The following DGLUCY variants were observed in gnomAD, a reference collection of about 807,000 sequenced individuals.
The protein encoded by DGLUCY is D-glutamate cyclase, mitochondrial.
DGLUCY carries 58 observed loss-of-function variants against 58.5 expected under a neutral mutation model. The observed-to-expected ratio is 0.99, with a 90% CI of 0.80 to 1.23. The LOEUF is 1.23. Ranked by LOEUF, DGLUCY falls within the 50% of genes most tolerant of loss-of-function variation. The pLI, the probability that DGLUCY is intolerant of heterozygous loss-of-function variation, is 0.00. For synonymous variants in DGLUCY, 325 were observed against 314.1 expected (o/e 1.03, Z -0.37); for missense variants, 779 against 784.7 (o/e 0.99, Z 0.09).
intron 7 of DGLUCY, 85 bp downstream of exon 7, chr14:91,176,141 A>G (rs1309825940): frequency 8.2e-6 from 12 of 1,470,172 alleles, no homozygotes; most frequent in African/African-American, 1.4e-5. Flanking sequence ...TTCTCGTAGT[A>G]CAATGATTTA....
chr14:91,191,177 G>A lies in DGLUCY; in HGVS notation c.1195+2007G>A, dbSNP rs567736661. Among the ~76,000 whole-genome samples, 3 of 152,286 alleles carry A rather than the reference G, an allele frequency of 2.0e-5. No individual in the cohort carries two copies. In the South Asian group the frequency reaches 6.2e-4, roughly 32 times the overall value. On this transcript the variant is annotated intron_variant, in intron 9 of 13. Coordinates refer to ENST00000256324, the MANE Select transcript of DGLUCY (RefSeq NM_001102368.3). ...ACATGCTACAACTTGGATGACCCTCGAGGACATCTTGAGAAGTAGATTAAG... is the reference window on the plus strand; with the variant it reads ...ACATGCTACAACTTGGATGACCCTCAAGGACATCTTGAGAAGTAGATTAAG...
At chr14:91,061,370 C>G (rs907190340) in intron 1 of DGLUCY, among the ~76,000 whole-genome samples, 1 of 152,194 alleles carries the variant, frequency 6.6e-6, no homozygotes, top group Non-Finnish European at 1.5e-5. Context: ...GTACAAGACT[C>G]TTACTAGGCG....
intron 13 of DGLUCY, 76 bp downstream of exon 13, chr14:91,215,632 C>T (rs576337350): frequency 1.4e-5 from 23 of 1,607,484 alleles, no homozygotes; most frequent in African/African-American, 9.3e-5. Context: ...GGTCCCAAGC[C>T]GTAAGCCGAG....
At chr14:91,179,142 A>G (rs905170704) in intron 7 of DGLUCY, among the ~76,000 whole-genome samples, 1 of 152,242 alleles carries the variant, frequency 6.6e-6, no homozygotes, top group African/African-American at 2.4e-5. Flanking sequence ...GAGATGAATG[A>G]GCAATGGTCG....
intron 5 of DGLUCY, among the ~76,000 whole-genome samples, chr14:91,171,981 G>A (rs1434922511): frequency 6.6e-6 from 1 of 152,190 alleles, no homozygotes; most frequent in East Asian, 1.9e-4. Context: ...GCAGTCCCTA[G>A]AGAAATTCAG....
chr14:91,176,987 G>GTCTTTCTTTCTTTCTCTC (rs2048895406), intron 7 of DGLUCY, among the ~76,000 whole-genome samples: 2 of 150,020 alleles, frequency 1.3e-5, no homozygotes, highest in South Asian at 4.2e-4. Flanking sequence ...TTCTTGTCTT[G>GTCTTTCTTTCTTTCTCTC]TCTTTCTTTC....
chr14:91,149,311 T>C (rs2047184325), intron 1 of DGLUCY, among the ~76,000 whole-genome samples: 1 of 152,146 alleles, frequency 6.6e-6, no homozygotes, highest in South Asian at 2.1e-4. Flanking sequence ...TTGCATACTT[T>C]GCTATTAGTT....
intron 12 of DGLUCY, among the ~76,000 whole-genome samples, chr14:91,213,015 A>T (rs904541371): frequency 6.0e-5 from 9 of 150,442 alleles, no homozygotes; most frequent in African/African-American, 2.2e-4. Flanking sequence ...AAAAAAAAAA[A>T]ATCCCACCAC....
intron 1 of DGLUCY, among the ~76,000 whole-genome samples, chr14:91,063,186 G>A (rs951068166): frequency 2.0e-5 from 3 of 151,862 alleles, no homozygotes; most frequent in African/African-American, 7.3e-5. Flanking sequence ...TTTTAACCAG[G>A]ATGTGGCAAA....
At chr14:91,192,395 G>A (rs1256433015) in intron 9 of DGLUCY, among the ~76,000 whole-genome samples, 1 of 152,142 alleles carries the variant, frequency 6.6e-6, no homozygotes, top group Non-Finnish European at 1.5e-5. Flanking sequence ...TTGGGGTGAT[G>A]AGAAAGTTCT....
At chr14:91,099,418 A>G (rs1284568417) in intron 1 of DGLUCY, among the ~76,000 whole-genome samples, 2 of 152,012 alleles carry the variant, frequency 1.3e-5, no homozygotes, top group Admixed American at 1.3e-4. Context: ...ATGTAGTCCC[A>G]GCTACTGGAG....
Position 91,219,199 on chromosome 14 carries a change from A to T in DGLUCY, c.1716+3643A>T, listed in dbSNP as rs562247163. Among the ~76,000 whole-genome samples, 219 of 152,150 alleles carry T rather than the reference A, an allele frequency of 1.4e-3. 2 individuals are homozygous for T. Among genetic ancestry groups the T allele is most frequent in the African/African-American group, 4.9e-3 (204 of 41,508 alleles). ...TGTCTCAAAAAAAAAAGAAAAAAAA[A>T]TTTTGAAAAAAGCTTCTGTGGGAGC... On this transcript the variant is annotated intron_variant, in intron 13 of 13. Transcript: ENST00000256324.
rs548622468 is a variant in DGLUCY, at chr14:91,067,755, G to T, written c.-82+7051G>T. ...TGTAGAGATGGGATTTCACCTTGTT[G>T]CCCAGGCTGGTCTCGAACTCCTGGG... On this transcript the variant is annotated intron_variant, in intron 1 of 4. Coordinates refer to the DGLUCY transcript ENST00000521334. 2.6e-5 allele frequency among the ~76,000 whole-genome samples: 4 copies of T among 151,988 alleles called. No homozygotes were observed. The South Asian group carries it at 8.3e-4, about 31-fold the overall frequency.
intron 1 of DGLUCY, among the ~76,000 whole-genome samples, chr14:91,123,360 C>T (rs930671736): frequency 6.6e-6 from 1 of 152,034 alleles, no homozygotes; most frequent in Non-Finnish European, 1.5e-5. Context: ...CATCTTGAAG[C>T]AATAAACGCT....
intron 9 of DGLUCY, among the ~76,000 whole-genome samples, chr14:91,190,624 G>A (rs897396701): frequency 1.3e-5 from 2 of 152,166 alleles, no homozygotes; most frequent in African/African-American, 4.8e-5. Flanking sequence ...TGTGGCAGTG[G>A]CTGGGGCAGA....
intron 13 of DGLUCY, among the ~76,000 whole-genome samples, chr14:91,222,574 A>G (rs1304738127): frequency 6.6e-6 from 1 of 152,206 alleles, no homozygotes; most frequent in Non-Finnish European, 1.5e-5. Context: ...CTACAGAGGA[A>G]CATCCTTCTT....
chr14:91,212,022 C>T (rs1490270450), intron 12 of DGLUCY, among the ~76,000 whole-genome samples: 5 of 152,152 alleles, frequency 3.3e-5, no homozygotes, highest in African/African-American at 1.2e-4. Context: ...ACACTGGTCT[C>T]GAACTCCTGA....
chr14:91,095,461 A>G (rs2044379067), intron 1 of DGLUCY, among the ~76,000 whole-genome samples: 1 of 152,202 alleles, frequency 6.6e-6, no homozygotes. Context: ...CGTGAAGGCA[A>G]GTGGCTATGA....
chr14:91,093,071 G>A (rs552034314), intron 1 of DGLUCY, among the ~76,000 whole-genome samples: 202 of 134,918 alleles, frequency 1.5e-3, no homozygotes, highest in Non-Finnish European at 2.3e-3. Flanking sequence ...GCCACAGAGT[G>A]AAACTCAGTC....
Sources: gnomAD v4.1 joint callset for allele counts (sites outside exome capture counted in the v4.1 genomes callset) on GRCh38, gnomAD v4.1.1 for gene constraint, MANE v1.5 for transcripts, NCBI Gene and HGNC (gene_info 2026-07-23, HGNC 2026-07-21) for gene names.